The following ZDHHC14 variants were observed in gnomAD, a reference collection of about 807,000 sequenced individuals.
ZDHHC14 encodes palmitoyltransferase ZDHHC14.
A neutral mutation model predicts 47.7 loss-of-function variants in ZDHHC14; 16 were observed. The ratio of observed to expected loss-of-function variants is 0.34; its 90% confidence interval spans 0.23 to 0.51. The LOEUF (loss-of-function observed/expected upper bound fraction) is 0.51, where lower values mean the gene tolerates loss of function less well. ZDHHC14 is among the 20% of genes least tolerant of loss of function. The pLI, the probability that ZDHHC14 is intolerant of heterozygous loss-of-function variation, is 0.97. For missense variants in ZDHHC14, 515 were observed against 662.5 expected (o/e 0.78, Z 2.44); for synonymous variants, 293 against 278.9 (o/e 1.05, Z -0.50).
intron 3 of ZDHHC14, among the ~76,000 whole-genome samples, chr6:157,608,629 A>AG (rs1243840212): frequency 2.0e-5 from 3 of 152,200 alleles, no homozygotes; most frequent in Non-Finnish European, 2.9e-5. Flanking sequence ...GTGGAGACTC[A>AG]GGTCAGAGTG....
intron 3 of ZDHHC14, among the ~76,000 whole-genome samples, chr6:157,595,306 C>T (rs1381386965): frequency 6.6e-6 from 1 of 150,832 alleles, no homozygotes; most frequent in African/African-American, 2.4e-5. Flanking sequence ...AATTCTCCTG[C>T]CCCAGCCTCC....
At chr6:157,640,072 G>C (rs758690619) in intron 5 of ZDHHC14, among the ~76,000 whole-genome samples, 2 of 152,180 alleles carry the variant, frequency 1.3e-5, no homozygotes, top group African/African-American at 4.8e-5. Flanking sequence ...TCTCCGATTC[G>C]CGGAGGCCAA....
rs560035052 is a variant in ZDHHC14, at chr6:157,637,226, C to T, written c.752+4344C>T. Among the ~76,000 whole-genome samples, 10 of 152,246 alleles carry T rather than the reference C, an allele frequency of 6.6e-5. No individual in the cohort carries two copies. The East Asian group carries it at 9.7e-4, about 15-fold the overall frequency. ...TTTGGAGGTGGCATGGGAATGCCAG[C>T]GGGAGCTTATGTGGTGAAGCCCTGT... On this transcript the variant is annotated intron_variant, in intron 5 of 8. Transcript: ENST00000359775.
chr6:157,524,530 C>A (rs1781089260), intron 1 of ZDHHC14, among the ~76,000 whole-genome samples: 1 of 152,198 alleles, frequency 6.6e-6, no homozygotes, highest in Admixed American at 6.5e-5. Flanking sequence ...CACGTTTTCT[C>A]TTTCCATATT....
At chr6:157,484,423 TATATATACGTATATATAC>T (rs1303388943) in intron 1 of ZDHHC14, among the ~76,000 whole-genome samples, 57 of 136,784 alleles carry the variant, frequency 4.2e-4, no homozygotes, top group African/African-American at 1.8e-3. Flanking sequence ...CACATATACA[TATATATACGTATATATAC>T]ATATATATGT....
chr6:157,615,574 C>T (rs1042355317), intron 3 of ZDHHC14, among the ~76,000 whole-genome samples: 8 of 152,174 alleles, frequency 5.3e-5, no homozygotes, highest in African/African-American at 1.4e-4. Context: ...ATAGCATATC[C>T]GACTTGCTGA....
intron 1 of ZDHHC14, among the ~76,000 whole-genome samples, chr6:157,432,607 T>C (rs911438592): frequency 4.6e-5 from 7 of 152,232 alleles, no homozygotes; most frequent in African/African-American, 1.4e-4. Context: ...ATCATTTCCA[T>C]TGTAATTTAA....
At chr6:157,597,190 G>C (rs1232939942) in intron 3 of ZDHHC14, among the ~76,000 whole-genome samples, 1 of 152,180 alleles carries the variant, frequency 6.6e-6, no homozygotes, top group Non-Finnish European at 1.5e-5. Flanking sequence ...GGGCCAGGGA[G>C]CCACCTCTTC....
chr6:157,559,312 G>A (rs1014292962), intron 2 of ZDHHC14, among the ~76,000 whole-genome samples: 1 of 152,230 alleles, frequency 6.6e-6, no homozygotes, highest in African/African-American at 2.4e-5. Context: ...TATTGCGTGG[G>A]CAGCTGATGT....
intron 1 of ZDHHC14, among the ~76,000 whole-genome samples, chr6:157,426,977 A>C (rs1323348691): frequency 1.2e-4 from 18 of 152,202 alleles, no homozygotes; most frequent in Admixed American, 1.1e-3. Context: ...GGCAGCTGTA[A>C]GGGAAGGAGA....
chr6:157,517,595 G>A (rs1289476076), intron 1 of ZDHHC14, among the ~76,000 whole-genome samples: 1 of 152,150 alleles, frequency 6.6e-6, no homozygotes, highest in African/African-American at 2.4e-5. Context: ...ACAGGCTTGA[G>A]CCACCGCGCC....
chr6:157,563,034 G>A (rs1419018654), intron 2 of ZDHHC14, among the ~76,000 whole-genome samples: 1 of 152,198 alleles, frequency 6.6e-6, no homozygotes, highest in Non-Finnish European at 1.5e-5. Flanking sequence ...TGTGGATGTA[G>A]GGTTCATGGT....
intron 1 of ZDHHC14, among the ~76,000 whole-genome samples, chr6:157,506,875 T>C (rs1017253784): frequency 6.6e-6 from 1 of 152,018 alleles, no homozygotes; most frequent in Non-Finnish European, 1.5e-5. Flanking sequence ...AATGTGGCCA[T>C]TGATAAGTGG....
intron 2 of ZDHHC14, among the ~76,000 whole-genome samples, chr6:157,572,823 C>A (rs557566449): frequency 6.6e-6 from 1 of 151,980 alleles, no homozygotes; most frequent in Non-Finnish European, 1.5e-5. Context: ...GAAACTCATT[C>A]TTCGAGGCCA....
chr6:157,430,994 T>C (rs1361266793), intron 1 of ZDHHC14, among the ~76,000 whole-genome samples: 1 of 152,186 alleles, frequency 6.6e-6, no homozygotes. Context: ...CTCAGAGCTG[T>C]TGTGTTGCTG....
chr6:157,480,148 C>G (rs982854614), intron 1 of ZDHHC14, among the ~76,000 whole-genome samples: 1 of 151,876 alleles, frequency 6.6e-6, no homozygotes, highest in Non-Finnish European at 1.5e-5. Flanking sequence ...GGAGAGGTCC[C>G]TGGGGAAGGG....
chr6:157,607,149 A>G (rs2114916490), intron 3 of ZDHHC14, among the ~76,000 whole-genome samples: 1 of 152,326 alleles, frequency 6.6e-6, no homozygotes, highest in East Asian at 1.9e-4. Context: ...TGTATTTAGA[A>G]ACATGCTGGG....
At chr6:157,466,257 C>T (rs545894394) in intron 1 of ZDHHC14, among the ~76,000 whole-genome samples, 228 of 152,242 alleles carry the variant, frequency 1.5e-3, no homozygotes, top group Non-Finnish European at 2.4e-3. Flanking sequence ...ATGCTGGTTC[C>T]CATGGCAATG....
intron 2 of ZDHHC14, among the ~76,000 whole-genome samples, chr6:157,568,736 A>T (rs1185117491): frequency 2.0e-5 from 3 of 152,192 alleles, no homozygotes; most frequent in Non-Finnish European, 2.9e-5. Context: ...ATAAATTTAT[A>T]TCTTCACCAA....
Sources: allele counts gnomAD v4.1 joint callset (sites outside exome capture counted in the v4.1 genomes callset), GRCh38; gene constraint gnomAD v4.1.1; transcripts MANE v1.5; gene names NCBI Gene and HGNC (gene_info 2026-07-23, HGNC 2026-07-21).